CNTNAP2: variants seen among roughly 807,000 people sequenced by gnomAD.
The protein encoded by CNTNAP2 is contactin associated protein 2.
Under a neutral mutation model 155.2 loss-of-function variants are expected in CNTNAP2, and 98 were observed. That is an observed-to-expected ratio of 0.63 (90% CI 0.54 to 0.75). The LOEUF (loss-of-function observed/expected upper bound fraction) is 0.75. Ranked by LOEUF, CNTNAP2 falls within the 30% of genes least tolerant of loss-of-function variation. The pLI is 0.00. For missense variants in CNTNAP2, 1,727 were observed against 1,688.1 expected, an observed-to-expected ratio of 1.02 and a Z score of -0.40; for synonymous variants, 651 against 631.2, an observed-to-expected ratio of 1.03 and a Z score of -0.47.
chr7:147,836,506 A>G (rs1159398010), intron 13 of CNTNAP2, among the ~76,000 whole-genome samples: 4 of 152,148 alleles, frequency 2.6e-5, no homozygotes. Flanking sequence ...GTGCAACTCT[A>G]CGGGAAGCCC....
Position 146,607,287 on chromosome 7 carries a change from C to T in CNTNAP2, c.98-166984C>T, listed in dbSNP as rs535395506. On this transcript the variant is annotated intron_variant, in intron 1 of 23. Coordinates refer to ENST00000361727, the MANE Select transcript of CNTNAP2 (RefSeq NM_014141.6). The stretch of plus-strand genomic sequence containing the variant: ...TTCAAGATATCTCTGAATTTATCTT[C>T]ATCAGATGTTGGATATGTCCCATGT... Among the ~76,000 whole-genome samples the T allele has an allele frequency of 1.0e-3, 156 of 152,130 alleles. 4 individuals are homozygous for T. Among genetic ancestry groups the T allele is most frequent in the South Asian group, 4.1e-4 (2 of 4,820 alleles).
chr7:147,178,062 C>T (rs190641362), intron 8 of CNTNAP2, among the ~76,000 whole-genome samples: 6 of 152,056 alleles, frequency 3.9e-5, no homozygotes, highest in African/African-American at 1.2e-4. Context: ...CCCCCCACCA[C>T]GAAGATATCC....
intron 20 of CNTNAP2, among the ~76,000 whole-genome samples, chr7:148,254,192 C>T (rs1180274390): frequency 6.6e-6 from 1 of 152,058 alleles, no homozygotes; most frequent in Non-Finnish European, 1.5e-5. Flanking sequence ...CAGTCCCATC[C>T]GTGGCAAGCA....
At chr7:146,984,773 C>A (rs1033437355) in intron 3 of CNTNAP2, among the ~76,000 whole-genome samples, 1 of 152,082 alleles carries the variant, frequency 6.6e-6, no homozygotes, top group East Asian at 1.9e-4. Flanking sequence ...TTTTTGAGTC[C>A]TTCTGGCTCT....
intron 1 of CNTNAP2, among the ~76,000 whole-genome samples, chr7:146,612,267 A>C (rs1799151638): frequency 1.3e-5 from 2 of 152,144 alleles, no homozygotes; most frequent in African/African-American, 4.8e-5. Flanking sequence ...TCTCATACTC[A>C]CATGGACCTT....
At chr7:147,330,422 A>G (rs1795538442) in intron 9 of CNTNAP2, among the ~76,000 whole-genome samples, 1 of 152,140 alleles carries the variant, frequency 6.6e-6, no homozygotes, top group Non-Finnish European at 1.5e-5. Flanking sequence ...TCCCTGAGAT[A>G]CTCTAGCAAA....
chr7:146,643,485 T>C, intron 1 of CNTNAP2, among the ~76,000 whole-genome samples: 1 of 152,180 alleles, frequency 6.6e-6, no homozygotes, highest in Non-Finnish European at 1.5e-5. Context: ...TGCAGCGTTA[T>C]TTCTGAGGGC....
intron 21 of CNTNAP2, among the ~76,000 whole-genome samples, chr7:148,312,462 G>C (rs4305812): frequency 0.85 from 128,725 of 152,088 alleles, 55,615 homozygotes; most frequent in Non-Finnish European, 0.95. Flanking sequence ...TGATGGGTGT[G>C]AGGGTCAGTC....
At chr7:146,508,134 T>G (rs1089446) in intron 1 of CNTNAP2, among the ~76,000 whole-genome samples, 73,079 of 152,104 alleles carry the variant, frequency 0.48, 21,071 homozygotes, top group African/African-American at 0.82. Context: ...GTTTGTGCAT[T>G]CCATGCACTA....
intron 1 of CNTNAP2, among the ~76,000 whole-genome samples, chr7:146,562,429 A>G (rs1330396382): frequency 1.3e-5 from 2 of 152,198 alleles, no homozygotes; most frequent in Admixed American, 6.5e-5. Flanking sequence ...TATAGAAAAC[A>G]TACATGTTAA....
intron 13 of CNTNAP2, among the ~76,000 whole-genome samples, chr7:147,755,166 T>G (rs111838553): frequency 0.017 from 2,518 of 152,220 alleles, 34 homozygotes; most frequent in South Asian, 0.025. Flanking sequence ...GGTGACAGCT[T>G]AAGTGTATGA....
intron 12 of CNTNAP2, among the ~76,000 whole-genome samples, chr7:147,631,877 T>G (rs1316540917): frequency 6.6e-6 from 1 of 152,108 alleles, no homozygotes; most frequent in Non-Finnish European, 1.5e-5. Flanking sequence ...ACCGTAAACA[T>G]TCTAGAAAAT....
At chr7:148,225,753 C>A (rs535936505) in intron 19 of CNTNAP2, among the ~76,000 whole-genome samples, 1 of 152,196 alleles carries the variant, frequency 6.6e-6, no homozygotes, top group African/African-American at 2.4e-5. Flanking sequence ...GAGATGGCGA[C>A]AAGTGGTAAG....
intron 4 of CNTNAP2, among the ~76,000 whole-genome samples, chr7:147,066,924 A>G (rs936079858): frequency 2.6e-5 from 4 of 152,156 alleles, no homozygotes; most frequent in African/African-American, 7.2e-5. Flanking sequence ...GGCCCTGTAC[A>G]AGGTTGCAGA....
At chr7:146,202,205 T>G (rs1280488047) in intron 1 of CNTNAP2, among the ~76,000 whole-genome samples, 1 of 152,142 alleles carries the variant, frequency 6.6e-6, no homozygotes, top group African/African-American at 2.4e-5. Flanking sequence ...TTGGTATATT[T>G]TCATGCCACA....
Position 146,370,670 on chromosome 7 carries a change from A to T in CNTNAP2, c.97+253697A>T, listed in dbSNP as rs531357494. 2.0e-5 allele frequency among the ~76,000 whole-genome samples: 3 copies of T among 152,116 alleles called. No homozygotes were observed. The East Asian group carries it at 5.8e-4, about 29-fold the overall frequency. On this transcript the variant is annotated intron_variant, in intron 1 of 23. Coordinates refer to ENST00000361727, the MANE Select transcript of CNTNAP2 (RefSeq NM_014141.6). ...AATCTTTTTTTCTTTTGAATACTAA[A>T]TTTTTATGTAAATTTTAATATCAGC... is the stretch of plus-strand genomic sequence containing the variant.
chr7:147,611,277 G>A (rs183833775), intron 12 of CNTNAP2, among the ~76,000 whole-genome samples: 3 of 152,090 alleles, frequency 2.0e-5, no homozygotes, highest in East Asian at 2.0e-4. Flanking sequence ...GAATCAAAGA[G>A]TAACATCTCC....
rs1490115060 is a variant in CNTNAP2, at chr7:147,867,028, A to G, written c.2099-36537A>G. On this transcript the variant is annotated intron_variant, in intron 13 of 23. Transcript: ENST00000361727. ...GTTTATTTTGCTCATTAATTGATGC[A>G]GTTTCTTCACAGCATCGATGGTCTT... 2.6e-5 allele frequency among the ~76,000 whole-genome samples: 4 copies of G among 152,174 alleles called. No individual in the cohort carries two copies. The South Asian group carries it at 8.3e-4, about 31-fold the overall frequency.
At chr7:147,424,133 C>T (rs558556326) in intron 10 of CNTNAP2, among the ~76,000 whole-genome samples, 53 of 152,254 alleles carry the variant, frequency 3.5e-4, no homozygotes, top group Non-Finnish European at 4.0e-4. Context: ...TCCGCTGCTC[C>T]ATTTCCTCCT....
Sources: gnomAD v4.1 joint callset for allele counts (sites outside exome capture counted in the v4.1 genomes callset) on GRCh38, gnomAD v4.1.1 for gene constraint, MANE v1.5 for transcripts, NCBI Gene and HGNC (gene_info 2026-07-23, HGNC 2026-07-21) for gene names.